The following SGCZ variants were observed in gnomAD, a reference collection of about 807,000 sequenced individuals.
SGCZ encodes the protein zeta-sarcoglycan.
A neutral mutation model predicts 41.3 loss-of-function variants in SGCZ; 40 were observed. The ratio of observed to expected loss-of-function variants is 0.97; its 90% confidence interval spans 0.75 to 1.26. SGCZ has a LOEUF of 1.26. Ranked by LOEUF, SGCZ falls within the 50% of genes most tolerant of loss-of-function variation. SGCZ has a pLI of 0.00. For synonymous variants in SGCZ, 206 were observed against 137.5 expected (o/e 1.50, Z -3.49); for missense variants, 552 against 369.8 (o/e 1.49, Z -4.04).
chr8:14,789,048 T>C (rs1445843491), intron 1 of SGCZ, among the ~76,000 whole-genome samples: 1 of 152,140 alleles, frequency 6.6e-6, no homozygotes, highest in Non-Finnish European at 1.5e-5. Context: ...TCGTTAACAT[T>C]GGAATCACAG....
chr8:15,039,985 CATTTA>C (rs1383430867), intron 1 of SGCZ, among the ~76,000 whole-genome samples: 1 of 152,134 alleles, frequency 6.6e-6, no homozygotes, highest in East Asian at 1.9e-4. Context: ...ATATTTAACA[CATTTA>C]ATTTGCAAAA....
intron 2 of SGCZ, among the ~76,000 whole-genome samples, chr8:14,470,245 A>G (rs968348585): frequency 1.3e-5 from 2 of 152,182 alleles, no homozygotes; most frequent in Non-Finnish European, 2.9e-5. Flanking sequence ...GAAAATAGAA[A>G]AAAAAATGCT....
chr8:14,189,543 T>C (rs909617605), intron 4 of SGCZ, among the ~76,000 whole-genome samples: 7 of 152,326 alleles, frequency 4.6e-5, no homozygotes, highest in Admixed American at 3.9e-4. Context: ...CCCTGACATG[T>C]TCTCAGCCGG....
At chr8:14,624,091 G>T (rs906370515) in intron 1 of SGCZ, among the ~76,000 whole-genome samples, 1 of 151,990 alleles carries the variant, frequency 6.6e-6, no homozygotes, top group Non-Finnish European at 1.5e-5. Flanking sequence ...ACTATGTGCC[G>T]CAATACTATT....
chr8:15,168,896 G>A (rs769177550), intron 1 of SGCZ, among the ~76,000 whole-genome samples: 1 of 152,186 alleles, frequency 6.6e-6, no homozygotes, highest in Non-Finnish European at 1.5e-5. Context: ...GAACCCAGAA[G>A]CTCAGCATGC....
chr8:15,097,859 T>TAC lies in SGCZ; in HGVS notation c.39+139725_39+139726insGT, dbSNP rs1485978682. On this transcript the variant is annotated intron_variant, in intron 1 of 7. Transcript: ENST00000382080. Reference sequence around the variant, plus strand: ...ACGTGTGTGTATATATATATATACGTGTGTGTGTATATATATATATATACG... The same window carrying TAC: ...ACGTGTGTGTATATATATATATACGTACGTGTGTGTATATATATATATATACG... 8.1e-3 allele frequency among the ~76,000 whole-genome samples: 35 copies of TAC among 4,316 alleles called. 1 individual carries two copies. Among genetic ancestry groups the TAC allele is most frequent in the East Asian group, 0.035 (6 of 172 alleles). 2.8% of individuals were successfully genotyped at this position (4,316 alleles called of 152,430 possible).
chr8:14,725,167 A>C (rs572483503), intron 1 of SGCZ, among the ~76,000 whole-genome samples: 4 of 152,302 alleles, frequency 2.6e-5, no homozygotes, highest in African/African-American at 9.6e-5. Context: ...GGTGTTGCAA[A>C]TGACAGAATT....
At chr8:14,562,588 A>T (rs1050163894) in intron 1 of SGCZ, among the ~76,000 whole-genome samples, 1 of 152,170 alleles carries the variant, frequency 6.6e-6, no homozygotes, top group Non-Finnish European at 1.5e-5. Context: ...CTGAGATGAG[A>T]CTAAAATGAA....
At chr8:14,530,665 A>G (rs1196656385) in intron 2 of SGCZ, among the ~76,000 whole-genome samples, 8 of 130,844 alleles carry the variant, frequency 6.1e-5, no homozygotes, top group Non-Finnish European at 9.6e-5. Context: ...CTTCAGAACT[A>G]TATAAGTTAA....
chr8:14,563,918 ACT>A (rs1804281100), intron 1 of SGCZ, among the ~76,000 whole-genome samples: 2 of 152,188 alleles, frequency 1.3e-5, no homozygotes, highest in African/African-American at 2.4e-5. Context: ...TTATAATATT[ACT>A]CACGTAAACC....
intron 1 of SGCZ, among the ~76,000 whole-genome samples, chr8:15,008,983 T>C (rs1240234310): frequency 1.3e-5 from 2 of 152,190 alleles, no homozygotes; most frequent in Admixed American, 6.5e-5. Context: ...TACTAGGTTA[T>C]AAAACATTAT....
intron 1 of SGCZ, among the ~76,000 whole-genome samples, chr8:15,209,475 TA>T (rs57088562): frequency 1.3e-3 from 190 of 141,962 alleles, no homozygotes; most frequent in African/African-American, 4.5e-3. Flanking sequence ...AGCATAATAG[TA>T]AAAAAAAAAA....
intron 5 of SGCZ, among the ~76,000 whole-genome samples, chr8:14,136,256 T>C (rs1428767173): frequency 2.0e-5 from 3 of 152,146 alleles, no homozygotes; most frequent in Admixed American, 1.3e-4. Context: ...AGGTGATTTC[T>C]GCATTTCCAA....
intron 1 of SGCZ, among the ~76,000 whole-genome samples, chr8:14,928,760 A>T (rs1799838601): frequency 2.0e-5 from 3 of 152,170 alleles, no homozygotes; most frequent in Admixed American, 1.3e-4. Flanking sequence ...ATTTGAAGGT[A>T]TTTCTACAGG....
intron 1 of SGCZ, among the ~76,000 whole-genome samples, chr8:14,799,702 A>T (rs1008419740): frequency 9.9e-5 from 15 of 152,022 alleles, no homozygotes; most frequent in East Asian, 3.9e-4. Context: ...TTTTTTTTTT[A>T]AATTTAAAAA....
chr8:14,609,702 C>A (rs1391228824), intron 1 of SGCZ, among the ~76,000 whole-genome samples: 4 of 152,012 alleles, frequency 2.6e-5, no homozygotes, highest in African/African-American at 9.7e-5. Context: ...TCTGGGTACC[C>A]AGAACTGAAG....
chr8:14,700,059 G>A (rs997191735), intron 1 of SGCZ, among the ~76,000 whole-genome samples: 6 of 151,914 alleles, frequency 3.9e-5, no homozygotes, highest in Admixed American at 1.3e-4. Flanking sequence ...ATTTCTCGAA[G>A]AACTTAAAAG....
chr8:14,468,607 A>G (rs1250293796), intron 2 of SGCZ, among the ~76,000 whole-genome samples: 1 of 152,244 alleles, frequency 6.6e-6, no homozygotes, highest in East Asian at 1.9e-4. Flanking sequence ...TTAAATTTTG[A>G]GTTAAATGAG....
At chr8:14,432,914 CAAAAAAAAAAAAAAAAAA>C (rs767979164) in intron 2 of SGCZ, among the ~76,000 whole-genome samples, 2 of 75,604 alleles carry the variant, frequency 2.6e-5, no homozygotes, top group African/African-American at 1.2e-4. Flanking sequence ...ACTGTGTCTC[CAAAAAAAAAAAAAAAAAA>C]AAAAAAAAAA....
Sources: gnomAD v4.1 joint callset for allele counts (sites outside exome capture counted in the v4.1 genomes callset) on GRCh38, gnomAD v4.1.1 for gene constraint, MANE v1.5 for transcripts, NCBI Gene and HGNC (gene_info 2026-07-23, HGNC 2026-07-21) for gene names.